Variants in SS18 observed in about 807,000 individuals in gnomAD.
SS18 encodes SS18 subunit of BAF chromatin remodeling complex.
Under a neutral mutation model 72.5 loss-of-function variants are expected in SS18, and 28 were observed. The observed-to-expected ratio is 0.39, with a 90% CI of 0.29 to 0.53. The LOEUF (loss-of-function observed/expected upper bound fraction) is 0.53, where lower values mean the gene tolerates loss of function less well. SS18 is among the 20% of genes least tolerant of loss of function. The pLI, the probability that SS18 is intolerant of heterozygous loss-of-function variation, is 0.76. For synonymous variants in SS18, 172 were observed against 164.2 expected (o/e 1.05, Z -0.37); for missense variants, 518 against 535.3 (o/e 0.97, Z 0.32).
intron 4 of SS18, among the ~76,000 whole-genome samples, chr18:26,054,613 A>C (rs1192540943): frequency 6.6e-6 from 1 of 152,238 alleles, no homozygotes; most frequent in East Asian, 1.9e-4. Context: ...AATGGTCTCC[A>C]AGATATATCT....
intron 2 of SS18, among the ~76,000 whole-genome samples, chr18:26,085,004 G>A (rs2054592467): frequency 6.6e-6 from 1 of 152,148 alleles, no homozygotes; most frequent in South Asian, 2.1e-4. Flanking sequence ...GTTATTAAAA[G>A]TAAGAGGGAT....
chr18:26,051,519 A>C (rs2053923768), intron 5 of SS18, among the ~76,000 whole-genome samples: 5 of 152,232 alleles, frequency 3.3e-5, no homozygotes, highest in Admixed American at 2.0e-4. Context: ...GTGTGCCATC[A>C]TTAATGGAGT....
chr18:26,064,771 A>T (rs2054182852), intron 3 of SS18: 1 of 152,114 alleles, frequency 6.6e-6, no homozygotes. Context: ...CTAAAAGAAA[A>T]TAGAAAACAA....
intron 5 of SS18, among the ~76,000 whole-genome samples, chr18:26,049,346 T>G (rs2053882621): frequency 1.3e-5 from 2 of 152,152 alleles, no homozygotes; most frequent in Non-Finnish European, 2.9e-5. Context: ...ATGAAAGAAA[T>G]AAATAAGATT....
chr18:26,087,701 C>T, intron 1 of SS18, 124 bp from the exon 2 acceptor site: 1 of 558,912 alleles, frequency 1.8e-6, no homozygotes, highest in Non-Finnish European at 3.2e-6. Flanking sequence ...AAGCGTATCC[C>T]TTAACAAAAT....
At chr18:26,042,436 C>T (rs548457125) in intron 5 of SS18, among the ~76,000 whole-genome samples, 2 of 152,192 alleles carry the variant, frequency 1.3e-5, no homozygotes, top group Non-Finnish European at 2.9e-5. Flanking sequence ...AAGTGTTTTG[C>T]AAGGGCATAT....
At chr18:26,066,775 T>C (rs1283943377) in intron 3 of SS18, among the ~76,000 whole-genome samples, 1 of 152,124 alleles carries the variant, frequency 6.6e-6, no homozygotes, top group Non-Finnish European at 1.5e-5. Flanking sequence ...GGCAATGATG[T>C]TGGTAAAATG....
intron 3 of SS18, chr18:26,064,936 T>C (rs1386832060): frequency 6.6e-6 from 1 of 152,112 alleles, no homozygotes; most frequent in Non-Finnish European, 1.5e-5. Context: ...ATCAACTATA[T>C]TTCTATATAT....
intron 5 of SS18, among the ~76,000 whole-genome samples, chr18:26,049,625 C>T (rs2053887391): frequency 6.6e-6 from 1 of 152,184 alleles, no homozygotes; most frequent in Non-Finnish European, 1.5e-5. Context: ...GAACCTCCTG[C>T]CTCCACCTCC....
At chr18:26,081,583 A>C (rs565808245) in intron 2 of SS18, among the ~76,000 whole-genome samples, 2 of 152,234 alleles carry the variant, frequency 1.3e-5, no homozygotes, top group Non-Finnish European at 2.9e-5. Context: ...CTTTGTATAT[A>C]GGTCACCTAA....
chr18:26,050,253 T>G (rs1278945152), intron 5 of SS18, among the ~76,000 whole-genome samples: 3 of 151,458 alleles, frequency 2.0e-5, no homozygotes, highest in Non-Finnish European at 4.4e-5. Flanking sequence ...AAAAAAAAAT[T>G]TGTGCTAAAG....
intron 6 of SS18, 117 bp downstream of exon 6, chr18:26,039,168 CAAAA>C (rs34318951): frequency 0.095 from 23,497 of 248,334 alleles, 633 homozygotes; most frequent in African/African-American, 0.28. Flanking sequence ...TACCTTTTGT[CAAAA>C]AAAAAAAAAA....
At chr18:26,049,943 A>G (rs1337833076) in intron 5 of SS18, among the ~76,000 whole-genome samples, 1 of 152,260 alleles carries the variant, frequency 6.6e-6, no homozygotes, top group East Asian at 1.9e-4. Context: ...GCAGTTTAAG[A>G]AACAAATTAA....
chr18:26,086,116 C>G (rs1351011795), intron 2 of SS18: 1 of 151,764 alleles, frequency 6.6e-6, no homozygotes, highest in Non-Finnish European at 1.5e-5. Flanking sequence ...TATAGTATAA[C>G]AAGTATTTAC....
intron 3 of SS18, among the ~76,000 whole-genome samples, chr18:26,076,237 G>A (rs12955672): frequency 0.029 from 4,446 of 150,966 alleles, 92 homozygotes; most frequent in Non-Finnish European, 0.042. Flanking sequence ...AGTGTATATG[G>A]AAATGCAAAG....
chr18:26,056,002 C>A (rs1002759084), intron 4 of SS18, among the ~76,000 whole-genome samples: 2 of 152,106 alleles, frequency 1.3e-5, no homozygotes, highest in Admixed American at 6.5e-5. Flanking sequence ...CGTGATCCAC[C>A]CGCCTTGGCC....
chr18:26,070,012 C>CG (rs2054286386), intron 3 of SS18, among the ~76,000 whole-genome samples: 1 of 151,860 alleles, frequency 6.6e-6, no homozygotes, highest in African/African-American at 2.4e-5. Flanking sequence ...TTCCTAGGTG[C>CG]GGGGAGGGGA....
At chr18:26,018,875 A>G (rs1041151741) in intron 10 of SS18, among the ~76,000 whole-genome samples, 1 of 152,344 alleles carries the variant, frequency 6.6e-6, no homozygotes, top group South Asian at 2.1e-4. Flanking sequence ...AGAACCTTCT[A>G]TCCATACCAA....
At chr18:26,068,524 A>G (rs1361342865) in intron 3 of SS18, 1 of 152,196 alleles carries the variant, frequency 6.6e-6, no homozygotes, top group African/African-American at 2.4e-5. Flanking sequence ...CCACAGCTCT[A>G]AGCATGTGTT....
Sources: allele counts gnomAD v4.1 joint callset (sites outside exome capture counted in the v4.1 genomes callset), GRCh38; gene constraint gnomAD v4.1.1; transcripts MANE v1.5; gene names NCBI Gene and HGNC (gene_info 2026-07-23, HGNC 2026-07-21).